The following DOCK7 variants were observed in gnomAD, a reference collection of about 807,000 sequenced individuals.
The protein encoded by DOCK7 is dedicator of cytokinesis 7, also known as dedicator of cytokinesis protein 7.
DOCK7 carries 138 observed loss-of-function variants against 271.0 expected under a neutral mutation model. The observed-to-expected ratio is 0.51, with a 90% CI of 0.44 to 0.59. The LOEUF is 0.59. Among genes scored for constraint, DOCK7 ranks in the 20% least tolerant of loss-of-function variants. The probability of loss-of-function intolerance (pLI) is 0.00; values close to 1 mark genes in which losing one functional copy is unlikely to be tolerated. For missense variants in DOCK7, 2,066 were observed against 2,592.4 expected (o/e 0.80, Z 4.41); for synonymous variants, 823 against 876.1 (o/e 0.94, Z 1.07).
intron 43 of DOCK7, chr1:62,481,583 C>CATT (rs1175403393): frequency 6.6e-6 from 1 of 152,028 alleles, no homozygotes; most frequent in African/African-American, 2.4e-5. Context: ...ATAAATTAGG[C>CATT]TGTTTTTCTA....
At chr1:62,553,988 T>G (rs1030521547) in intron 21 of DOCK7, among the ~76,000 whole-genome samples, 1 of 151,984 alleles carries the variant, frequency 6.6e-6, no homozygotes, top group Non-Finnish European at 1.5e-5. Flanking sequence ...CTAGAGAGAG[T>G]GCCAATTTAT....
chr1:62,635,227 A>G (rs1655114102), intron 8 of DOCK7: 1 of 176,244 alleles, frequency 5.7e-6, no homozygotes, highest in African/African-American at 2.4e-5. Flanking sequence ...TACCTAAATC[A>G]AAGTAAAAAA....
Position 62,455,392 on chromosome 1 carries a change from G to T in DOCK7, c.*22C>A. 6.2e-7 allele frequency: 1 copy of T among 1,612,130 alleles called. No homozygotes were observed. The highest frequency in any genetic ancestry group is 1.1e-5 in the South Asian group (1 of 90,998). Reference sequence around the variant, plus strand: ...GTTGAATACATGGCTCTTTGCAGATGAATAAAACAAGTGCATTCAGTTTAG... The same window carrying T: ...GTTGAATACATGGCTCTTTGCAGATTAATAAAACAAGTGCATTCAGTTTAG... On this transcript the variant is annotated 3_prime_UTR_variant, in exon 50 of 50. Transcript: ENST00000635253.
chr1:62,454,950 A>G lies in DOCK7; in HGVS notation c.*464T>C, dbSNP rs1487418194. The G allele has an allele frequency of 1.2e-5, 4 of 331,818 alleles. No individual in the cohort carries two copies. The highest frequency in any genetic ancestry group is 4.9e-5 in the Admixed American group (1 of 20,392). The allele number at this position is 331,818 out of a possible 1,614,324, so 20.6% of individuals were successfully genotyped here. On this transcript the variant is annotated 3_prime_UTR_variant, in exon 50 of 50. Coordinates refer to ENST00000635253, the MANE Select transcript of DOCK7 (RefSeq NM_001367561.1). The stretch of plus-strand genomic sequence containing the variant: ...AGGTTTGGAACTAGTTCTTGAGTCA[A>G]CCCTTTAATTGTTCTCTGCCATTGT...
At chr1:62,625,457 AGT>A in intron 11 of DOCK7, 56 bp from the exon 12 acceptor site, 1 of 1,520,754 alleles carries the variant, frequency 6.6e-7, no homozygotes, top group Non-Finnish European at 8.9e-7. Flanking sequence ...TTTGTTTTAA[AGT>A]AGCTTTCCAA....
Position 62,586,584 on chromosome 1 carries a change from T to C in DOCK7, c.1723A>G (p.Asn575Asp). Residue 575 changes from asparagine to aspartate, a missense_variant, in exon 15 of 50, where the codon AAT (asparagine) becomes GAT (aspartate). Transcript: ENST00000635253. ...ATATTTCTAGCAGAACCTTGACGATTGGCAAAATTAAGACTCTGAGGGTAT... is the reference window on the plus strand; with the variant it reads ...ATATTTCTAGCAGAACCTTGACGATCGGCAAAATTAAGACTCTGAGGGTAT... ...YIYPQSLNFANRQGSARNITV... is the reference protein window; with the variant it reads ...YIYPQSLNFADRQGSARNITV... 6.2e-7 allele frequency: 1 copy of C among 1,613,016 alleles called. No individual in the cohort carries two copies. The highest frequency in any genetic ancestry group is 8.5e-7 in the Non-Finnish European group (1 of 1,179,284).
Position 62,558,971 on chromosome 1 carries a change from CAAACA to C in DOCK7, c.2431+13_2431+17del. ...AGTTATAAATTTCACGTCTCATCCC[CAAACA>C]AAAGTAAATTACCTATTTGGCCAGC... On this transcript the variant is annotated intron_variant, in intron 20 of 49. Transcript: ENST00000635253. 6.3e-7 allele frequency: 1 copy of C among 1,586,756 alleles called. No individual in the cohort carries two copies. Among genetic ancestry groups the C allele is most frequent in the Non-Finnish European group, 8.6e-7 (1 of 1,160,410 alleles).
At chr1:62,535,376 G>T in intron 29 of DOCK7, 117 bp downstream of exon 29, 1 of 805,002 alleles carries the variant, frequency 1.2e-6, no homozygotes, top group Non-Finnish European at 1.9e-6. Context: ...GAAGAGGGAA[G>T]TAGAAAAAGA....
chr1:62,554,555 GTCTTT>G (rs1386095059), intron 21 of DOCK7, among the ~76,000 whole-genome samples: 1 of 142,790 alleles, frequency 7.0e-6, no homozygotes, highest in Non-Finnish European at 1.5e-5. Flanking sequence ...CTTCCAACCT[GTCTTT>G]TATTTTTAAA....
chr1:62,546,411 C>T (rs1645710276), intron 22 of DOCK7, among the ~76,000 whole-genome samples: 1 of 151,990 alleles, frequency 6.6e-6, no homozygotes, highest in African/African-American at 2.4e-5. Flanking sequence ...AATAATCACC[C>T]ATTTCTAATC....
chr1:62,544,648 T>C (rs939149258), intron 23 of DOCK7, among the ~76,000 whole-genome samples: 1 of 152,132 alleles, frequency 6.6e-6, no homozygotes, highest in African/African-American at 2.4e-5. Context: ...AAAGACGTGC[T>C]ACCCCTAAAG....
Position 62,552,774 on chromosome 1 carries a change from G to A in DOCK7, c.2724C>T (p.Pro908=). 1 of 1,613,476 alleles carries A rather than the reference G, an allele frequency of 6.2e-7. No individual in the cohort carries two copies. Among genetic ancestry groups the A allele is most frequent in the Non-Finnish European group, 8.5e-7 (1 of 1,179,698 alleles). The change falls in exon 22 of 50, where the codon CCC becomes CCT. Residue 908 remains proline, a synonymous_variant. Coordinates refer to ENST00000635253, the MANE Select transcript of DOCK7 (RefSeq NM_001367561.1). ...ATCGAACTTCATCATCTGGTGACGTGGGAGTCCCAGATATATCTGGATTGC... is the reference window on the plus strand; with the variant it reads ...ATCGAACTTCATCATCTGGTGACGTAGGAGTCCCAGATATATCTGGATTGC... ...SNSNPDISGT[P]TSPDDEVRSI...
intron 1 of DOCK7, among the ~76,000 whole-genome samples, chr1:62,678,998 C>T (rs1158207578): frequency 6.6e-6 from 1 of 152,000 alleles, no homozygotes; most frequent in African/African-American, 2.4e-5. Flanking sequence ...ATCTTATGTA[C>T]CCCATAAATA....
At chr1:62,561,772 T>A in intron 18 of DOCK7, 69 bp from the exon 19 acceptor site, 1 of 905,636 alleles carries the variant, frequency 1.1e-6, no homozygotes, top group East Asian at 2.9e-5. Context: ...TAAACAAAAA[T>A]TACAATATCC....
chr1:62,583,729 T>C (rs1439219810), intron 15 of DOCK7, among the ~76,000 whole-genome samples: 1 of 152,190 alleles, frequency 6.6e-6, no homozygotes, highest in African/African-American at 2.4e-5. Context: ...ATGTATCCTT[T>C]GCTTCTAATA....
chr1:62,479,180 G>A (rs926720787), intron 43 of DOCK7, among the ~76,000 whole-genome samples: 2 of 151,328 alleles, frequency 1.3e-5, no homozygotes, highest in Non-Finnish European at 2.9e-5. Flanking sequence ...TTCCTATACT[G>A]AAAAAGCAAA....
intron 14 of DOCK7, chr1:62,604,457 G>C (rs1432906372): frequency 7.8e-6 from 7 of 897,200 alleles, no homozygotes. Context: ...GTAGTGTATA[G>C]ATTATTTATA....
chr1:62,655,099 C>T (rs1032360672), intron 2 of DOCK7, among the ~76,000 whole-genome samples: 2 of 152,080 alleles, frequency 1.3e-5, no homozygotes, highest in African/African-American at 2.4e-5. Context: ...AGTAGCCATA[C>T]GAAAGGAATA....
intron 18 of DOCK7, among the ~76,000 whole-genome samples, chr1:62,566,937 A>G (rs894594806): frequency 6.6e-6 from 1 of 152,248 alleles, no homozygotes; most frequent in Non-Finnish European, 1.5e-5. Flanking sequence ...CAAGAGACAC[A>G]TGAAAAAATG....
Sources: allele counts gnomAD v4.1 joint callset (sites outside exome capture counted in the v4.1 genomes callset), GRCh38; gene constraint gnomAD v4.1.1; transcripts MANE v1.5; gene names NCBI Gene and HGNC (gene_info 2026-07-23, HGNC 2026-07-21).